PRMT3: variants seen among roughly 807,000 people sequenced by gnomAD.
PRMT3 encodes protein arginine N-methyltransferase 3.
A neutral mutation model predicts 71.9 loss-of-function variants in PRMT3; 62 were observed. That is an observed-to-expected ratio of 0.86 (90% confidence interval 0.70 to 1.07). PRMT3 has a LOEUF of 1.07. PRMT3 is among the 50% of genes least tolerant of loss of function. PRMT3 has a pLI of 0.00. For missense variants in PRMT3, 663 were observed against 643.0 expected (o/e 1.03, Z -0.34); for synonymous variants, 213 against 220.4 (o/e 0.97, Z 0.30).
rs189927106 is a variant in PRMT3 at position 20,394,935 on chromosome 11, A to G, written c.401-868A>G. On this transcript the variant is annotated intron_variant, in intron 5 of 15. Coordinates refer to ENST00000331079, the MANE Select transcript of PRMT3 (RefSeq NM_005788.4). ...GCAATATCTGAATTTAATACCTGCTACAATAAGGACATGGGCTAGGAGGTG... is the reference window on the plus strand; with the variant it reads ...GCAATATCTGAATTTAATACCTGCTGCAATAAGGACATGGGCTAGGAGGTG... 4.3e-3 allele frequency among the ~76,000 whole-genome samples: 651 copies of G among 152,316 alleles called. 26 individuals are homozygous for G. Among genetic ancestry groups the G allele is most frequent in the Admixed American group, 0.037 (566 of 15,300 alleles).
chr11:20,469,205 T>C (rs1056689539), intron 13 of PRMT3, among the ~76,000 whole-genome samples: 1 of 152,160 alleles, frequency 6.6e-6, no homozygotes, highest in African/African-American at 2.4e-5. Context: ...AAATGAACAA[T>C]AAAGTCAGTG....
At chr11:20,503,617 T>C (rs1851509490) in intron 15 of PRMT3, among the ~76,000 whole-genome samples, 1 of 151,234 alleles carries the variant, frequency 6.6e-6, no homozygotes, top group East Asian at 2.0e-4. Context: ...GCATGTACTC[T>C]AGCTTTCTTG....
chr11:20,439,256 T>G (rs1230275850), intron 10 of PRMT3, among the ~76,000 whole-genome samples: 1 of 152,020 alleles, frequency 6.6e-6, no homozygotes, highest in African/African-American at 2.4e-5. Context: ...TCTGTAGATG[T>G]CCAATGTGTT....
At chr11:20,466,679 CTG>C (rs1466021603) in intron 13 of PRMT3, among the ~76,000 whole-genome samples, 5 of 152,086 alleles carry the variant, frequency 3.3e-5, no homozygotes, top group African/African-American at 1.2e-4. Context: ...TTAAATGAAA[CTG>C]TATCCTTCAG....
chr11:20,389,669 G>T, intron 2 of PRMT3, 75 bp from the exon 3 acceptor site: 1 of 878,484 alleles, frequency 1.1e-6, no homozygotes, highest in Non-Finnish European at 1.7e-6. Flanking sequence ...AAAAAAAAAA[G>T]TGTATATGTA....
chr11:20,462,184 C>A lies in PRMT3; in HGVS notation c.1260+17C>A. On this transcript the variant is annotated intron_variant, in intron 12 of 15. Coordinates refer to ENST00000331079, the MANE Select transcript of PRMT3 (RefSeq NM_005788.4). Reference sequence around the variant, plus strand: ...GGTATTAAGGTAGGTGTTTTACCAACTTTATTTTTTATAATGGTATTGCTA... The same window carrying A: ...GGTATTAAGGTAGGTGTTTTACCAAATTTATTTTTTATAATGGTATTGCTA... 1 of 1,532,002 alleles carries A rather than the reference C, an allele frequency of 6.5e-7. No individual in the cohort carries two copies. The highest frequency in any genetic ancestry group is 8.8e-7 in the Non-Finnish European group (1 of 1,130,180). 94.9% of individuals were successfully genotyped at this position (1,532,002 alleles called of 1,614,324 possible).
intron 13 of PRMT3, among the ~76,000 whole-genome samples, chr11:20,468,876 C>G (rs1033628145): frequency 6.6e-6 from 1 of 152,150 alleles, no homozygotes; most frequent in African/African-American, 2.4e-5. Flanking sequence ...GCAGTCTTCT[C>G]CACCACCAAA....
chr11:20,410,735 G>A (rs1191434477), intron 9 of PRMT3, among the ~76,000 whole-genome samples: 1 of 152,002 alleles, frequency 6.6e-6, no homozygotes, highest in African/African-American at 2.4e-5. Flanking sequence ...AAGTCTCCGG[G>A]AAAGCTACCA....
chr11:20,441,277 T>G (rs1849891788), intron 10 of PRMT3, among the ~76,000 whole-genome samples: 1 of 142,390 alleles, frequency 7.0e-6, no homozygotes, highest in Non-Finnish European at 1.5e-5. Context: ...ATTTATTTAT[T>G]TATTTATTTA....
At chr11:20,499,113 G>C (rs1352337992) in intron 15 of PRMT3, among the ~76,000 whole-genome samples, 6 of 152,108 alleles carry the variant, frequency 3.9e-5, no homozygotes, top group Non-Finnish European at 8.8e-5. Context: ...AACATATGGA[G>C]AAGTAAAATA....
At chr11:20,491,094 C>CA (rs971907442) in intron 13 of PRMT3, among the ~76,000 whole-genome samples, 2 of 152,224 alleles carry the variant, frequency 1.3e-5, no homozygotes, top group Admixed American at 6.5e-5. Context: ...TATCAATCTT[C>CA]AAATTCACTG....
At position 20,387,991 on chromosome 11, in the gene PRMT3, C is replaced by G; in HGVS notation, c.29-28C>G. 1 of 1,613,048 alleles carries G rather than the reference C, an allele frequency of 6.2e-7. No homozygotes were observed. The highest frequency in any genetic ancestry group is 8.5e-7 in the Non-Finnish European group (1 of 1,179,648). On this transcript the variant is annotated intron_variant, in intron 1 of 15. Coordinates refer to ENST00000331079, the MANE Select transcript of PRMT3 (RefSeq NM_005788.4). The surrounding 1 kb of genome is among the most constrained non-coding windows in gnomAD (Gnocchi z 4.3). The stretch of plus-strand genomic sequence containing the variant: ...CCCGGGCCGCACCGGTGTCCGAGGC[C>G]GATCTGATTGTTGTGTGTGTGTGTT...
rs764939831 is a variant in PRMT3, at chr11:20,392,182, A to C, written c.248-29A>C. 13 of 1,564,560 alleles carry C rather than the reference A, an allele frequency of 8.3e-6. 1 individual carries two copies. The Middle Eastern group carries it at 6.8e-4, about 82-fold the overall frequency. On this transcript the variant is annotated intron_variant, in intron 3 of 15. Coordinates refer to ENST00000331079, the MANE Select transcript of PRMT3 (RefSeq NM_005788.4). ...GTTAAACAAAACTCATTATGTTAACATAGGTGAATTATCTTTTTCCCCCTT... is the reference window on the plus strand; with the variant it reads ...GTTAAACAAAACTCATTATGTTAACCTAGGTGAATTATCTTTTTCCCCCTT...
intron 11 of PRMT3, among the ~76,000 whole-genome samples, chr11:20,457,780 C>G (rs1850300582): frequency 1.3e-5 from 2 of 152,200 alleles, no homozygotes; most frequent in Admixed American, 6.5e-5. Flanking sequence ...GTTCATAGTG[C>G]TTAAAGGATT....
intron 11 of PRMT3, among the ~76,000 whole-genome samples, chr11:20,457,360 T>C (rs1850289155): frequency 6.6e-6 from 1 of 152,202 alleles, no homozygotes; most frequent in Non-Finnish European, 1.5e-5. Context: ...TCATGCATAA[T>C]GGAAAGCATA....
chr11:20,478,657 A>G (rs1271465335), intron 13 of PRMT3, among the ~76,000 whole-genome samples: 5 of 152,200 alleles, frequency 3.3e-5, no homozygotes, highest in African/African-American at 9.6e-5. Flanking sequence ...TGCAATTGCT[A>G]TTAAAAGAAA....
At chr11:20,503,191 C>T (rs1851499658) in intron 15 of PRMT3, among the ~76,000 whole-genome samples, 1 of 151,824 alleles carries the variant, frequency 6.6e-6, no homozygotes, top group Admixed American at 6.6e-5. Context: ...CAACCTTTTG[C>T]TTTTGGTGTC....
chr11:20,501,704 T>C (rs1565241899), intron 15 of PRMT3, among the ~76,000 whole-genome samples: 2 of 152,218 alleles, frequency 1.3e-5, no homozygotes, highest in Non-Finnish European at 2.9e-5. Flanking sequence ...TATAGAGTTA[T>C]TTTGCCTAGA....
chr11:20,459,831 A>G (rs1373622141), intron 11 of PRMT3, among the ~76,000 whole-genome samples: 1 of 152,192 alleles, frequency 6.6e-6, no homozygotes, highest in Non-Finnish European at 1.5e-5. Flanking sequence ...CCTCTTACTG[A>G]GTTAACATTT....
Sources: gnomAD v4.1 joint callset for allele counts (sites outside exome capture counted in the v4.1 genomes callset) on GRCh38, gnomAD v4.1.1 for gene constraint, Gnocchi (gnomAD v3.1) non-coding constraint, MANE v1.5 for transcripts, NCBI Gene and HGNC (gene_info 2026-07-23, HGNC 2026-07-21) for gene names.